MAMLD1: variants seen among roughly 807,000 people sequenced by gnomAD.
MAMLD1 encodes the protein mastermind like domain containing 1, also known as mastermind-like domain-containing protein 1.
Under a neutral mutation model 45.0 loss-of-function variants are expected in MAMLD1, and 14 were observed. The ratio of observed to expected loss-of-function variants is 0.31; its 90% CI spans 0.21 to 0.49. The LOEUF (loss-of-function observed/expected upper bound fraction) is 0.49, where lower values mean the gene tolerates loss of function less well. Among genes scored for constraint, MAMLD1 ranks in the 20% least tolerant of loss-of-function variants. MAMLD1 has a pLI of 0.99. For synonymous variants in MAMLD1, 254 were observed against 247.8 expected (o/e 1.02, Z -0.24); for missense variants, 543 against 603.6 (o/e 0.90, Z 1.05).
chrX:150,502,056 ATATT>A (rs1241551256), intron 5 of MAMLD1, among the ~76,000 whole-genome samples: 1 of 112,873 alleles, frequency 8.9e-6, no homozygotes, highest in Non-Finnish European at 1.9e-5. Context: ...ATAAGACCAA[ATATT>A]TAAAGAACCT....
At chrX:150,434,737 A>G (rs1557404210) in intron 1 of MAMLD1, among the ~76,000 whole-genome samples, 3 of 111,977 alleles carry the variant, frequency 2.7e-5, no homozygotes, top group Non-Finnish European at 5.6e-5. Context: ...AATTTTTAGC[A>G]TTGATTTCTT....
chrX:150,453,162 A>C (rs376127680), intron 2 of MAMLD1, among the ~76,000 whole-genome samples: 1 of 112,198 alleles, frequency 8.9e-6, no homozygotes, highest in Non-Finnish European at 1.9e-5. Context: ...CTCCAAGAAG[A>C]TGCTCAGTTC....
chrX:150,439,381 G>A (rs990988621), intron 1 of MAMLD1, among the ~76,000 whole-genome samples: 19 of 111,426 alleles, frequency 1.7e-4, no homozygotes, highest in African/African-American at 5.9e-4. Context: ...ATGTTCTTAG[G>A]GTCATAAAGT....
At chrX:150,369,847 G>GT (rs1557400924) in intron 1 of MAMLD1, among the ~76,000 whole-genome samples, 44,282 of 103,968 alleles carry the variant, frequency 0.43, 7,718 homozygotes, top group East Asian at 0.55. Context: ...TAATCCAGCT[G>GT]TTTTTTTTTA....
intron 5 of MAMLD1, 69 bp downstream of exon 5, chrX:150,473,871 G>A (rs1482125815): frequency 9.4e-7 from 1 of 1,065,293 alleles, no homozygotes. Flanking sequence ...TTGTCCCAGA[G>A]CTGGATCAGC....
At chrX:150,441,943 C>G (rs1160627465) in intron 1 of MAMLD1, among the ~76,000 whole-genome samples, 1 of 111,076 alleles carries the variant, frequency 9.0e-6, no homozygotes, top group Non-Finnish European at 1.9e-5. Flanking sequence ...CGTTTGCTTC[C>G]TATATTTGCA....
Position 150,471,117 on chromosome X carries a change from C to G in MAMLD1, c.1544C>G (p.Ser515Cys), listed in dbSNP as rs782589773. The G allele has an allele frequency of 7.4e-6, 9 of 1,208,950 alleles. No individual in the cohort carries two copies. In the African/African-American group the frequency reaches 1.6e-4, roughly 21 times the overall value. ...VIFKPISSNS[S>C]KTLSMIMQQG... The stretch of plus-strand genomic sequence containing the variant: ...TTTAAGCCCATAAGCAGCAACTCAT[C>G]CAAAACCCTGAGCATGATCATGCAG... Residue 515 changes from serine to cysteine, a missense_variant, in exon 4 of 8, where the codon TCC (serine) becomes TGC (cysteine). By Grantham distance (112) the Ser-to-Cys change is moderately radical. Coordinates refer to ENST00000370401, the MANE Select transcript of MAMLD1 (RefSeq NM_005491.5).
chrX:150,378,709 G>A (rs2032449042), intron 1 of MAMLD1, among the ~76,000 whole-genome samples: 1 of 111,657 alleles, frequency 9.0e-6, no homozygotes, highest in African/African-American at 3.3e-5. Context: ...AGGTTGACTT[G>A]TGCATTTTTA....
intron 1 of MAMLD1, among the ~76,000 whole-genome samples, chrX:150,372,829 T>G (rs781856457): frequency 2.7e-4 from 30 of 112,109 alleles, no homozygotes; most frequent in South Asian, 7.4e-4. Flanking sequence ...GTTCTCGAAA[T>G]GAGCCCTGAA....
At chrX:150,466,826 C>T (rs1487869591) in intron 3 of MAMLD1, among the ~76,000 whole-genome samples, 1 of 111,768 alleles carries the variant, frequency 8.9e-6, no homozygotes, top group African/African-American at 3.3e-5. Context: ...GGTGGTCATG[C>T]CCTGCCTCCT....
At chrX:150,374,952 C>T (rs1178942339) in intron 1 of MAMLD1, among the ~76,000 whole-genome samples, 1 of 111,138 alleles carries the variant, frequency 9.0e-6, no homozygotes, top group Non-Finnish European at 1.9e-5. Flanking sequence ...TAGTCTCACC[C>T]CAGGATCTGT....
intron 1 of MAMLD1, among the ~76,000 whole-genome samples, chrX:150,389,970 A>G (rs1234709690): frequency 8.9e-6 from 1 of 112,560 alleles, no homozygotes; most frequent in Non-Finnish European, 1.9e-5. Flanking sequence ...TAATATTTGC[A>G]TGGTATGTTT....
In MAMLD1 at chrX:150,394,129, C is replaced by CTTTTTT. The variant is rs781904160; in HGVS notation, c.-64+30619_-64+30624dup. Among the ~76,000 whole-genome samples, 8 of 12,263 alleles carry CTTTTTT rather than the reference C, an allele frequency of 6.5e-4. 1 individual carries two copies. Among genetic ancestry groups the CTTTTTT allele is most frequent in the African/African-American group, 2.2e-3 (6 of 2,777 alleles). The allele number at this position is 12,263 out of a possible 115,157, so 10.6% of individuals were successfully genotyped here. Reference sequence around the variant, plus strand: ...GGGGTGTAAGGTCTATATCTACATCCTTTTTTTTTTTTTTTTTTTTTTTTT... The same window carrying CTTTTTT: ...GGGGTGTAAGGTCTATATCTACATCCTTTTTTTTTTTTTTTTTTTTTTTTTTTTTTT... On this transcript the variant is annotated intron_variant, in intron 1 of 7. Transcript: ENST00000370401.
intron 1 of MAMLD1, among the ~76,000 whole-genome samples, chrX:150,424,317 C>T (rs1377974643): frequency 8.9e-6 from 1 of 112,626 alleles, no homozygotes; most frequent in African/African-American, 3.2e-5. Flanking sequence ...CTGGGTAGCA[C>T]ATGACGCCCA....
At chrX:150,496,190 A>C (rs1251052492) in intron 5 of MAMLD1, among the ~76,000 whole-genome samples, 2 of 112,464 alleles carry the variant, frequency 1.8e-5, no homozygotes, top group African/African-American at 6.5e-5. Context: ...CATCAGGGAG[A>C]TACTGAGAGA....
At chrX:150,373,301 G>A (rs1329804097) in intron 1 of MAMLD1, among the ~76,000 whole-genome samples, 1 of 111,798 alleles carries the variant, frequency 8.9e-6, no homozygotes, top group Non-Finnish European at 1.9e-5. Flanking sequence ...CTGGGTGCTT[G>A]AGAAGACTGC....
chrX:150,445,299 G>T (rs1193578973), intron 1 of MAMLD1, among the ~76,000 whole-genome samples, 155 bp from the exon 2 acceptor site: 1 of 111,100 alleles, frequency 9.0e-6, no homozygotes, highest in African/African-American at 3.3e-5. Flanking sequence ...ATTCTTGGGG[G>T]TGGGGGTGCT....
intron 1 of MAMLD1, among the ~76,000 whole-genome samples, chrX:150,433,215 A>G (rs182737616): frequency 1.4e-3 from 161 of 111,446 alleles, no homozygotes; most frequent in Middle Eastern, 4.6e-3. Flanking sequence ...CTCAGCTTGG[A>G]TGTTGTTGGT....
chrX:150,503,836 A>C (rs2037642398), intron 6 of MAMLD1, among the ~76,000 whole-genome samples: 1 of 112,308 alleles, frequency 8.9e-6, no homozygotes, highest in Non-Finnish European at 1.9e-5. Context: ...TATGCCTTCC[A>C]GTACCCCGTT....
Sources: allele counts gnomAD v4.1 joint callset (sites outside exome capture counted in the v4.1 genomes callset), GRCh38; gene constraint gnomAD v4.1.1; transcripts MANE v1.5; gene names NCBI Gene and HGNC (gene_info 2026-07-23, HGNC 2026-07-21).